The following ODAD2 variants were observed in gnomAD, a reference collection of about 807,000 sequenced individuals.
ODAD2 encodes outer dynein arm-docking complex subunit 2.
ODAD2 carries 89 observed loss-of-function variants against 106.8 expected under a neutral mutation model. The observed-to-expected ratio is 0.83, with a 90% confidence interval of 0.70 to 0.99. The LOEUF is 0.99. Ranked by LOEUF, ODAD2 falls within the 50% of genes least tolerant of loss-of-function variation. ODAD2 has a pLI of 0.00. For missense variants in ODAD2, 1,168 were observed against 1,238.5 expected (o/e 0.94, Z 0.85); for synonymous variants, 404 against 436.2 (o/e 0.93, Z 0.92).
chr10:27,958,596 G>A (rs1486991351), intron 10 of ODAD2, among the ~76,000 whole-genome samples: 1 of 152,114 alleles, frequency 6.6e-6, no homozygotes, highest in Admixed American at 6.6e-5. Flanking sequence ...CTAGAGAACT[G>A]AAAGTAAAAG....
intron 17 of ODAD2, among the ~76,000 whole-genome samples, chr10:27,868,004 T>C (rs1840575532): frequency 6.7e-6 from 1 of 149,974 alleles, no homozygotes; most frequent in Non-Finnish European, 1.5e-5. Context: ...CCATATACAG[T>C]TATTATAAGA....
chr10:27,857,064 C>G (rs982281240), intron 19 of ODAD2, among the ~76,000 whole-genome samples: 1 of 152,050 alleles, frequency 6.6e-6, no homozygotes, highest in Non-Finnish European at 1.5e-5. Context: ...ACCATGTACC[C>G]TTGAACAACA....
chr10:27,927,232 A>G (rs1262776910), intron 16 of ODAD2, among the ~76,000 whole-genome samples: 1 of 152,000 alleles, frequency 6.6e-6, no homozygotes, highest in African/African-American at 2.4e-5. Context: ...TATGAATTCT[A>G]CTCCACAAAG....
intron 1 of ODAD2, among the ~76,000 whole-genome samples, chr10:27,996,985 A>T (rs1216012587): frequency 1.3e-5 from 2 of 152,222 alleles, no homozygotes; most frequent in Non-Finnish European, 2.9e-5. Context: ...ACTATATTAA[A>T]TATGTAAGAT....
chr10:27,936,602 T>G (rs1845990151), intron 15 of ODAD2, 124 bp downstream of exon 15: 2 of 1,138,372 alleles, frequency 1.8e-6, no homozygotes, highest in South Asian at 2.7e-5. Flanking sequence ...TTGGGCTAAC[T>G]TCATCCAGAA....
chr10:27,848,398 T>C (rs1169746077), intron 19 of ODAD2, among the ~76,000 whole-genome samples: 1 of 152,190 alleles, frequency 6.6e-6, no homozygotes, highest in Non-Finnish European at 1.5e-5. Context: ...GATCCCTTCC[T>C]TACACCTTAT....
In ODAD2 at chr10:27,959,775, ATAG is replaced by A. The variant is rs1473504897; in HGVS notation, c.1386+1790_1386+1792del. ...CTTTAAATAATAATGAATGCCTATA[ATAG>A]TAGTGAATCATTGCTATCATAATAA... On this transcript the variant is annotated intron_variant, in intron 10 of 19. Transcript: ENST00000305242. Among the ~76,000 whole-genome samples, 112 of 152,274 alleles carry A rather than the reference ATAG, an allele frequency of 7.4e-4. 1 individual carries two copies. Among genetic ancestry groups the A allele is most frequent in the East Asian group, 2.1e-3 (11 of 5,182 alleles).
At chr10:27,989,840 C>T (rs369493712) in intron 2 of ODAD2, among the ~76,000 whole-genome samples, 3 of 151,990 alleles carry the variant, frequency 2.0e-5, no homozygotes, top group Non-Finnish European at 4.4e-5. Context: ...CAGAGTGAGA[C>T]CCCCTCTCAA....
At chr10:27,824,419 C>T (rs1836876743) in intron 19 of ODAD2, among the ~76,000 whole-genome samples, 1 of 152,168 alleles carries the variant, frequency 6.6e-6, no homozygotes, top group African/African-American at 2.4e-5. Context: ...GTTTGGCCCC[C>T]ATCTGCTCTC....
chr10:27,981,226 A>T (rs538471861), intron 7 of ODAD2, among the ~76,000 whole-genome samples: 6 of 152,304 alleles, frequency 3.9e-5, no homozygotes, highest in South Asian at 2.1e-4. Flanking sequence ...GAGACGAAAA[A>T]GACTTGGAAA....
At chr10:27,991,155 C>G (rs759440273) in intron 2 of ODAD2, among the ~76,000 whole-genome samples, 1 of 152,134 alleles carries the variant, frequency 6.6e-6, no homozygotes, top group Non-Finnish European at 1.5e-5. Context: ...TTTAGGAAGA[C>G]TATTAATTTC....
intron 10 of ODAD2, among the ~76,000 whole-genome samples, chr10:27,961,274 C>T (rs1848120694): frequency 6.6e-6 from 1 of 152,112 alleles, no homozygotes; most frequent in Non-Finnish European, 1.5e-5. Context: ...TTATTTCTTC[C>T]ATACCATACT....
At chr10:27,883,324 A>G (rs1320289695) in intron 17 of ODAD2, among the ~76,000 whole-genome samples, 1 of 152,180 alleles carries the variant, frequency 6.6e-6, no homozygotes, top group Non-Finnish European at 1.5e-5. Context: ...GCATGACAAA[A>G]AATGCATATT....
intron 19 of ODAD2, among the ~76,000 whole-genome samples, chr10:27,824,175 A>G (rs1213730297): frequency 6.6e-6 from 1 of 151,514 alleles, no homozygotes; most frequent in Non-Finnish European, 1.5e-5. Flanking sequence ...AAATAGTTCA[A>G]TAAGTTCTTA....
chr10:27,850,572 A>G (rs986244191), intron 19 of ODAD2, among the ~76,000 whole-genome samples: 3 of 152,088 alleles, frequency 2.0e-5, no homozygotes, highest in Non-Finnish European at 4.4e-5. Context: ...ATAAATAAAC[A>G]TCTACATAAA....
rs373836522 is a variant in ODAD2 at position 27,959,080 on chromosome 10, T to C, written c.1386+2488A>G. 3.0e-4 allele frequency: 350 copies of C among 1,164,466 alleles called. 2 individuals carry two copies. The highest frequency in any genetic ancestry group is 1.6e-3 in the East Asian group (28 of 17,016). 72.1% of individuals were successfully genotyped at this position (1,164,466 alleles called of 1,614,324 possible). On this transcript the variant is annotated intron_variant, in intron 10 of 19. Transcript: ENST00000305242. ...GGACGGGCTTAGAGGCTCATGCCTG[T>C]AATCCCAGCACTTTGGGAGGCCAAT... is the stretch of plus-strand genomic sequence containing the variant.
chr10:27,866,887 G>A (rs1840477503), intron 17 of ODAD2, among the ~76,000 whole-genome samples: 1 of 152,082 alleles, frequency 6.6e-6, no homozygotes, highest in Non-Finnish European at 1.5e-5. Flanking sequence ...ATTTCAACAT[G>A]AGATTTGGAG....
chr10:27,885,631 AATATATATT>A lies in ODAD2; in HGVS notation c.2610+22023_2610+22031del, dbSNP rs1238741688. Among the ~76,000 whole-genome samples, 356 of 76,884 alleles carry A rather than the reference AATATATATT, an allele frequency of 4.6e-3. 3 individuals carry two copies. The highest frequency in any genetic ancestry group is 0.019 in the African/African-American group (337 of 17,962). 50.4% of individuals were successfully genotyped at this position (76,884 alleles called of 152,430 possible). A position where few individuals can be genotyped will look rare whatever the true frequency, so the allele number is the denominator to read the frequency against. ...AATATATATAAATATAAATATATAA[AATATATATT>A]ATATATATTATATATAATATATTAT... is the stretch of plus-strand genomic sequence containing the variant. On this transcript the variant is annotated intron_variant, in intron 17 of 19. Transcript: ENST00000305242.
At chr10:27,943,781 G>A in intron 12 of ODAD2, among the ~76,000 whole-genome samples, 1 of 112,640 alleles carries the variant, frequency 8.9e-6, no homozygotes, top group Non-Finnish European at 1.7e-5. Flanking sequence ...AGCCACAGAA[G>A]TGAGGCTCTG....
Sources: gnomAD v4.1 joint callset for allele counts (sites outside exome capture counted in the v4.1 genomes callset) on GRCh38, gnomAD v4.1.1 for gene constraint, MANE v1.5 for transcripts, NCBI Gene and HGNC (gene_info 2026-07-23, HGNC 2026-07-21) for gene names.